Variants in NDUFA5 observed in about 807,000 individuals in gnomAD.
The protein encoded by NDUFA5 is NADH:ubiquinone oxidoreductase subunit A5.
NDUFA5 carries 11 observed loss-of-function variants against 19.8 expected under a neutral mutation model. The ratio of observed to expected loss-of-function variants is 0.56; its 90% CI spans 0.35 to 0.92. NDUFA5 has a LOEUF of 0.92. Among genes scored for constraint, NDUFA5 ranks in the 40% least tolerant of loss-of-function variants. The pLI is 0.01. For missense variants in NDUFA5, 109 were observed against 134.2 expected (o/e 0.81, Z 0.93); for synonymous variants, 47 against 46.8 (o/e 1.00, Z -0.01).
chr7:123,540,736 CAGA>C lies in NDUFA5; in HGVS notation c.*1380_*1382del, dbSNP rs958965049. 1.3e-5 allele frequency: 2 copies of C among 152,238 alleles called. No homozygotes were observed. Among genetic ancestry groups the C allele is most frequent in the Admixed American group, 6.5e-5 (1 of 15,288 alleles). The allele number at this position is 152,238 out of a possible 1,614,324, so 9.4% of individuals were successfully genotyped here. A position where few individuals can be genotyped will look rare whatever the true frequency, so the allele number is the denominator to read the frequency against. ...AACTCCCCCTCTAACACTTCCCCAC[CAGA>C]AGGAGCCTTCTTGCACTCTAACCTC... is the stretch of plus-strand genomic sequence containing the variant. On this transcript the variant is annotated 3_prime_UTR_variant, in exon 5 of 5. Transcript: ENST00000355749.
Position 123,557,424 on chromosome 7 carries a change from C to G in NDUFA5, c.46G>C (p.Val16Leu), listed in dbSNP as rs199642312. Residue 16 changes from valine (V) to leucine (L), a missense_variant, in exon 2 of 5, where the codon GTG becomes CTG. Coordinates refer to ENST00000355749, the MANE Select transcript of NDUFA5 (RefSeq NM_005000.5). Reference sequence around the variant, plus strand: ...CATACCTCGTGAGGAGTATTGCACACAGCCAATCCCACAAGGCCAGTGGTC... The same window carrying G: ...CATACCTCGTGAGGAGTATTGCACAGAGCCAATCCCACAAGGCCAGTGGTC... ...KKTTGLVGLA[V>L]CNTPHERLRI... The G allele has an allele frequency of 6.2e-7, 1 of 1,613,060 alleles. No homozygotes were observed. The highest frequency in any genetic ancestry group is 1.7e-5 in the Admixed American group (1 of 59,852).
chr7:123,570,201 A>C, the NDUFA5 span, among the ~76,000 whole-genome samples: 1 of 151,348 alleles, frequency 6.6e-6, no homozygotes, highest in African/African-American at 2.4e-5. Flanking sequence ...TGCCCAGCTA[A>C]TTTTTTTGTA....
Position 123,539,319 on chromosome 7 carries a change from T to A in NDUFA5, c.*2800A>T, listed in dbSNP as rs557960691. On this transcript the variant is annotated 3_prime_UTR_variant, in exon 5 of 5. Transcript: ENST00000355749. ...GGAATGATAAATTATCCTATAGTTATCCTAAATATAAGCCATTTTCATCCC... is the reference window on the plus strand; with the variant it reads ...GGAATGATAAATTATCCTATAGTTAACCTAAATATAAGCCATTTTCATCCC... 1 of 152,336 alleles carries A rather than the reference T, an allele frequency of 6.6e-6. No individual in the cohort carries two copies. Among genetic ancestry groups the A allele is most frequent in the African/African-American group, 2.4e-5 (1 of 41,572 alleles). The allele number at this position is 152,336 out of a possible 1,614,324, so 9.4% of individuals were successfully genotyped here. A position where few individuals can be genotyped will look rare whatever the true frequency, so the allele number is the denominator to read the frequency against.
At chr7:123,582,581 C>T in the NDUFA5 span, among the ~76,000 whole-genome samples, 1 of 151,904 alleles carries the variant, frequency 6.6e-6, no homozygotes, top group African/African-American at 2.4e-5. Flanking sequence ...ATCAGCATTC[C>T]CCCCAGATAT....
chr7:123,586,899 ATG>A, the NDUFA5 span, among the ~76,000 whole-genome samples: 6 of 151,406 alleles, frequency 4.0e-5, no homozygotes, highest in African/African-American at 1.5e-4. Context: ...CTCTCTTTTG[ATG>A]TGTCTGTTTT....
At chr7:123,550,418 AC>A in intron 3 of NDUFA5, 51 bp downstream of exon 3, 1 of 317,886 alleles carries the variant, frequency 3.1e-6, no homozygotes, top group Non-Finnish European at 5.3e-6. Flanking sequence ...AAGGAACTAA[AC>A]TTTTTTGGTT....
At chr7:123,551,208 TTTC>T (rs199559678) in intron 2 of NDUFA5, among the ~76,000 whole-genome samples, 166 of 147,640 alleles carry the variant, frequency 1.1e-3, no homozygotes, top group African/African-American at 3.8e-3. Context: ...TTTTTCTTTC[TTTC>T]TTTTTTTTTT....
intron 2 of NDUFA5, chr7:123,556,706 G>C (rs1798561008): frequency 2.5e-6 from 1 of 397,518 alleles, no homozygotes; most frequent in South Asian, 2.1e-5. Flanking sequence ...CTTGAAAAGA[G>C]CGTGATGGAA....
At chr7:123,601,290 T>C in the NDUFA5 span, among the ~76,000 whole-genome samples, 20 of 152,206 alleles carry the variant, frequency 1.3e-4, no homozygotes, top group Non-Finnish European at 1.0e-4. Flanking sequence ...TTAGACTATA[T>C]ATGCTCAATA....
At chr7:123,596,991 T>C in the NDUFA5 span, among the ~76,000 whole-genome samples, 4 of 152,222 alleles carry the variant, frequency 2.6e-5, no homozygotes, top group Admixed American at 2.0e-4. Context: ...TTAGCACTAC[T>C]GAGATATGTA....
the NDUFA5 span, among the ~76,000 whole-genome samples, chr7:123,572,131 C>CTTTTTT: frequency 6.3e-5 from 3 of 47,994 alleles, no homozygotes; most frequent in African/African-American, 8.8e-5. Flanking sequence ...TGTAGAATTT[C>CTTTTTT]TTTTTTTTTT....
intron 2 of NDUFA5, chr7:123,554,945 G>C (rs2116185938): frequency 6.6e-6 from 1 of 152,386 alleles, no homozygotes; most frequent in Admixed American, 6.5e-5. Context: ...GCCTCCCAAA[G>C]TGCTGGGATT....
At chr7:123,553,884 A>G (rs1288664559) in intron 2 of NDUFA5, among the ~76,000 whole-genome samples, 1 of 152,240 alleles carries the variant, frequency 6.6e-6, no homozygotes, top group Non-Finnish European at 1.5e-5. Context: ...TTCAGCTGAG[A>G]CCAGAGAAGC....
In NDUFA5 at chr7:123,557,232, T is replaced by C; in HGVS notation, c.66+172A>G. On this transcript the variant is annotated intron_variant, in intron 2 of 4. Coordinates refer to ENST00000355749, the MANE Select transcript of NDUFA5 (RefSeq NM_005000.5). ...AGGTCATGGCAAAAATAAATAAAAATGTGACATCGGATCAACGAAGTAGGT... is the reference window on the plus strand; with the variant it reads ...AGGTCATGGCAAAAATAAATAAAAACGTGACATCGGATCAACGAAGTAGGT... The C allele has an allele frequency of 3.4e-6, 3 of 894,864 alleles. No homozygotes were observed. The South Asian group carries it at 4.3e-5, about 13-fold the overall frequency. The allele number at this position is 894,864 out of a possible 1,614,324, so 55.4% of individuals were successfully genotyped here.
intron 4 of NDUFA5, among the ~76,000 whole-genome samples, chr7:123,542,645 C>T (rs1042166324): frequency 6.6e-6 from 1 of 152,056 alleles, no homozygotes; most frequent in African/African-American, 2.4e-5. Flanking sequence ...AAATTATTAT[C>T]TTTACTGGCA....
At chr7:123,601,372 C>T in the NDUFA5 span, among the ~76,000 whole-genome samples, 1 of 151,762 alleles carries the variant, frequency 6.6e-6, no homozygotes, top group Non-Finnish European at 1.5e-5. Context: ...ATCAGACTAG[C>T]AATTATTAAA....
At chr7:123,571,982 G>A in the NDUFA5 span, among the ~76,000 whole-genome samples, 2 of 151,820 alleles carry the variant, frequency 1.3e-5, no homozygotes, top group Admixed American at 1.3e-4. Flanking sequence ...TACATCTTTT[G>A]TAGGGATCTT....
chr7:123,556,905 A>G (rs558294961), intron 2 of NDUFA5: 29 of 504,070 alleles, frequency 5.8e-5, no homozygotes, highest in African/African-American at 4.9e-4. Context: ...AGTTATCTGT[A>G]AAGTGAAGCA....
chr7:123,572,361 G>T, the NDUFA5 span, among the ~76,000 whole-genome samples: 11 of 151,182 alleles, frequency 7.3e-5, no homozygotes, highest in African/African-American at 2.7e-4. Flanking sequence ...GGACGGTCTC[G>T]ATCTCTTGAC....
Sources: allele counts gnomAD v4.1 joint callset (sites outside exome capture counted in the v4.1 genomes callset), GRCh38; gene constraint gnomAD v4.1.1; transcripts MANE v1.5; gene names NCBI Gene and HGNC (gene_info 2026-07-23, HGNC 2026-07-21).